CPNE4: variants seen among roughly 807,000 people sequenced by gnomAD.
CPNE4 encodes copine-4.
CPNE4 carries 25 observed loss-of-function variants against 67.9 expected under a neutral mutation model. The ratio of observed to expected loss-of-function variants is 0.37; its 90% CI spans 0.27 to 0.51. The LOEUF is 0.51. Among genes scored for constraint, CPNE4 ranks in the 20% least tolerant of loss-of-function variants. The pLI is 0.93. For synonymous variants in CPNE4, 242 were observed against 244.9 expected (o/e 0.99, Z 0.11); for missense variants, 464 against 690.8 (o/e 0.67, Z 3.68).
At chr3:131,587,458 A>T (rs1231195032) in intron 8 of CPNE4, 26 bp downstream of exon 8, 1 of 1,580,820 alleles carries the variant, frequency 6.3e-7, no homozygotes, top group South Asian at 1.1e-5. Context: ...GACTGGAGGC[A>T]AAACCAAAAG....
rs1334016441 is a variant in CPNE4 at position 131,788,777 on chromosome 3, A to T, written c.181-65152T>A. Among the ~76,000 whole-genome samples, 4 of 152,114 alleles carry T rather than the reference A, an allele frequency of 2.6e-5. No homozygotes were observed. In the East Asian group the frequency reaches 7.7e-4, roughly 29 times the overall value. On this transcript the variant is annotated intron_variant, in intron 2 of 15. Transcript: ENST00000429747. ...GAAGGATTTTTAATGAAATTAGAAA[A>T]TTCTGAGGCTATAACGTTAAGTGGA...
intron 10 of CPNE4, among the ~76,000 whole-genome samples, chr3:131,565,661 A>G (rs35501439): frequency 0.13 from 20,207 of 151,920 alleles, 1,440 homozygotes; most frequent in African/African-American, 0.17. Flanking sequence ...CTTTCATGAA[A>G]TTACGTGTTC....
chr3:131,700,996 A>G lies in CPNE4; in HGVS notation c.361-1016T>C, dbSNP rs140533005. 2.3e-3 allele frequency among the ~76,000 whole-genome samples: 345 copies of G among 151,578 alleles called. 1 individual carries two copies. Among genetic ancestry groups the G allele is most frequent in the African/African-American group, 7.9e-3 (326 of 41,342 alleles). ...ATTCTCAGCAAACTATCGCAAGGAC[A>G]AAAAACCAAACACTGCATGTTCTCA... On this transcript the variant is annotated intron_variant, in intron 3 of 15. Coordinates refer to ENST00000429747, the MANE Select transcript of CPNE4 (RefSeq NM_130808.3).
intron 3 of CPNE4, among the ~76,000 whole-genome samples, chr3:131,718,311 C>T (rs2081789667): frequency 6.6e-6 from 1 of 152,108 alleles, no homozygotes; most frequent in South Asian, 2.1e-4. Context: ...TATACACATC[C>T]AATCTTGTCC....
intron 7 of CPNE4, among the ~76,000 whole-genome samples, chr3:131,629,485 C>T (rs113401167): frequency 6.6e-6 from 1 of 152,000 alleles, no homozygotes; most frequent in Non-Finnish European, 1.5e-5. Flanking sequence ...ACTCTGTTGC[C>T]TAGGTTGGAG....
intron 3 of CPNE4, among the ~76,000 whole-genome samples, chr3:131,721,398 C>CAT (rs57350854): frequency 0.37 from 47,295 of 127,974 alleles, 9,268 homozygotes; most frequent in Non-Finnish European, 0.4. Context: ...ACGGATCTAC[C>CAT]TTTTTTTTTT....
intron 5 of CPNE4, among the ~76,000 whole-genome samples, chr3:131,687,138 CA>C (rs1428410365): frequency 8.5e-5 from 13 of 152,190 alleles, no homozygotes; most frequent in Non-Finnish European, 1.5e-4. Context: ...TCAGGACTCT[CA>C]AATACATGTC....
intron 1 of CPNE4, among the ~76,000 whole-genome samples, chr3:131,914,769 G>A (rs574288691): frequency 1.4e-4 from 21 of 152,278 alleles, no homozygotes; most frequent in African/African-American, 5.1e-4. Context: ...CTGAGGTTGG[G>A]AGTTCGAGAC....
chr3:131,893,176 G>C (rs372555567), intron 2 of CPNE4, among the ~76,000 whole-genome samples: 3 of 151,932 alleles, frequency 2.0e-5, no homozygotes, highest in Admixed American at 2.0e-4. Flanking sequence ...AAAGTGTGTA[G>C]CCATACTTAT....
intron 7 of CPNE4, among the ~76,000 whole-genome samples, chr3:131,622,018 C>CA (rs34415771): frequency 0.17 from 10,050 of 57,492 alleles, 690 homozygotes; most frequent in African/African-American, 0.25. Context: ...GACCCTGTCT[C>CA]AAAAAAAAAA....
intron 7 of CPNE4, among the ~76,000 whole-genome samples, chr3:131,643,554 T>C (rs544408275): frequency 2.0e-5 from 3 of 152,274 alleles, no homozygotes; most frequent in South Asian, 2.1e-4. Context: ...AGCTAAGATG[T>C]TGGGGGACTG....
chr3:131,554,296 T>G (rs1462659365), intron 12 of CPNE4, among the ~76,000 whole-genome samples: 1 of 152,096 alleles, frequency 6.6e-6, no homozygotes, highest in East Asian at 1.9e-4. Flanking sequence ...ATCTTAGTGT[T>G]GCCAGGCCTT....
chr3:131,842,024 T>C (rs551046359), intron 2 of CPNE4, among the ~76,000 whole-genome samples: 1 of 152,272 alleles, frequency 6.6e-6, no homozygotes, highest in African/African-American at 2.4e-5. Flanking sequence ...ATAGATGGAA[T>C]AGAAACTGTA....
intron 1 of CPNE4, among the ~76,000 whole-genome samples, chr3:132,025,259 A>G (rs1383684769): frequency 6.6e-6 from 1 of 152,224 alleles, no homozygotes; most frequent in Non-Finnish European, 1.5e-5. Context: ...AAAGTCAAAT[A>G]CAATAAATTT....
At chr3:131,982,526 T>C (rs1207803129) in intron 1 of CPNE4, among the ~76,000 whole-genome samples, 1 of 152,238 alleles carries the variant, frequency 6.6e-6, no homozygotes, top group Non-Finnish European at 1.5e-5. Flanking sequence ...TGAGTTATTA[T>C]AAACAATTTC....
At position 131,751,281 on chromosome 3, in the gene CPNE4, C is replaced by T. The variant is rs144727804; in HGVS notation, c.181-27656G>A. Among the ~76,000 whole-genome samples the T allele has an allele frequency of 2.3e-3, 357 of 152,118 alleles. 4 individuals are homozygous for T. The highest frequency in any genetic ancestry group is 8.4e-3 in the African/African-American group (347 of 41,520). ...CCTTCCTTCTTGGACTATGACAACA[C>T]GAATATTCCATCTTATAGTTCCACA... On this transcript the variant is annotated intron_variant, in intron 2 of 15. Coordinates refer to ENST00000429747, the MANE Select transcript of CPNE4 (RefSeq NM_130808.3).
intron 7 of CPNE4, among the ~76,000 whole-genome samples, chr3:131,654,868 A>G (rs1019819465): frequency 2.6e-5 from 4 of 152,164 alleles, no homozygotes; most frequent in Non-Finnish European, 4.4e-5. Context: ...CACTAACCAT[A>G]CTACAATACC....
intron 1 of CPNE4, among the ~76,000 whole-genome samples, chr3:131,945,655 G>A (rs189719064): frequency 1.3e-5 from 2 of 152,190 alleles, no homozygotes; most frequent in Non-Finnish European, 2.9e-5. Flanking sequence ...TAGTCTGAAA[G>A]CTCTTTCTAC....
intron 2 of CPNE4, among the ~76,000 whole-genome samples, chr3:131,774,826 A>G (rs1310222153): frequency 2.0e-5 from 3 of 152,178 alleles, no homozygotes; most frequent in African/African-American, 7.2e-5. Flanking sequence ...CCTGATTACA[A>G]CTAATCTAAA....
Sources: allele counts gnomAD v4.1 joint callset (sites outside exome capture counted in the v4.1 genomes callset), GRCh38; gene constraint gnomAD v4.1.1; transcripts MANE v1.5; gene names NCBI Gene and HGNC (gene_info 2026-07-23, HGNC 2026-07-21).